Variants in CA10 observed in about 807,000 individuals in gnomAD.
CA10 encodes the protein carbonic anhydrase 10 (inactive), also known as carbonic anhydrase-related protein 10.
In CA10, 14 loss-of-function variants were observed where a neutral mutation model predicts 44.2. The observed-to-expected ratio is 0.32, with a 90% CI of 0.21 to 0.50. The LOEUF is 0.50. Among genes scored for constraint, CA10 ranks in the 20% least tolerant of loss-of-function variants. The probability of loss-of-function intolerance (pLI) is 0.99; values close to 1 mark genes in which losing one functional copy is unlikely to be tolerated. For missense variants in CA10, 350 were observed against 409.7 expected, an observed-to-expected ratio of 0.85 and a Z score of 1.26; for synonymous variants, 159 against 141.6, an observed-to-expected ratio of 1.12 and a Z score of -0.87.
chr17:51,924,973 A>C (rs192651432), intron 3 of CA10, among the ~76,000 whole-genome samples: 2 of 152,196 alleles, frequency 1.3e-5, no homozygotes, highest in African/African-American at 4.8e-5. Flanking sequence ...GATATGGGGA[A>C]AAATCAGCTT....
At chr17:52,005,781 T>C (rs892475462) in intron 2 of CA10, among the ~76,000 whole-genome samples, 1 of 151,918 alleles carries the variant, frequency 6.6e-6, no homozygotes, top group Non-Finnish European at 1.5e-5. Context: ...CTTGGCTCTA[T>C]TGACTTATAA....
chr17:51,825,675 G>T (rs1019814504), intron 3 of CA10, among the ~76,000 whole-genome samples: 1 of 151,776 alleles, frequency 6.6e-6, no homozygotes, highest in African/African-American at 2.4e-5. Flanking sequence ...GTTTTCAATT[G>T]CATACTCATT....
chr17:51,829,158 T>C (rs1204027751), intron 3 of CA10, among the ~76,000 whole-genome samples: 1 of 152,232 alleles, frequency 6.6e-6, no homozygotes, highest in Admixed American at 6.5e-5. Flanking sequence ...AAATATGTAC[T>C]GTTTGGTTGT....
intron 2 of CA10, among the ~76,000 whole-genome samples, chr17:51,982,430 C>A (rs1352687785): frequency 6.6e-6 from 1 of 151,890 alleles, no homozygotes; most frequent in South Asian, 2.1e-4. Flanking sequence ...CCTTTTGTGT[C>A]TATGAGTTAA....
At chr17:51,913,987 T>A (rs1981889098) in intron 3 of CA10, among the ~76,000 whole-genome samples, 1 of 152,136 alleles carries the variant, frequency 6.6e-6, no homozygotes, top group African/African-American at 2.4e-5. Flanking sequence ...GCTTTGCCCC[T>A]GTTAAATTAT....
At chr17:51,776,474 A>G (rs527329327) in intron 3 of CA10, among the ~76,000 whole-genome samples, 4 of 152,348 alleles carry the variant, frequency 2.6e-5, no homozygotes, top group African/African-American at 9.6e-5. Context: ...ATTTAGCTCA[A>G]TCTATCCCAA....
intron 4 of CA10, among the ~76,000 whole-genome samples, chr17:51,701,495 T>G (rs186204614): frequency 2.6e-5 from 4 of 152,264 alleles, no homozygotes; most frequent in Admixed American, 6.5e-5. Context: ...TTTATTTTTT[T>G]TATGTTTCTT....
chr17:52,137,528 C>T (rs1248135234), intron 1 of CA10, among the ~76,000 whole-genome samples: 1 of 152,142 alleles, frequency 6.6e-6, no homozygotes, highest in Non-Finnish European at 1.5e-5. Flanking sequence ...GAAGAGACAA[C>T]TGAAAATCAG....
intron 3 of CA10, among the ~76,000 whole-genome samples, chr17:51,929,922 C>A (rs1311886891): frequency 6.6e-6 from 1 of 152,130 alleles, no homozygotes; most frequent in Non-Finnish European, 1.5e-5. Flanking sequence ...ATGGTGTCGA[C>A]CACATGCAAT....
chr17:51,675,199 T>A (rs1914576589), intron 4 of CA10, among the ~76,000 whole-genome samples: 1 of 151,848 alleles, frequency 6.6e-6, no homozygotes, highest in Non-Finnish European at 1.5e-5. Flanking sequence ...TTTGGAGGAG[T>A]AATTAGCATA....
chr17:51,963,997 C>A (rs1009989192), intron 2 of CA10, among the ~76,000 whole-genome samples: 1 of 152,042 alleles, frequency 6.6e-6, no homozygotes, highest in Non-Finnish European at 1.5e-5. Flanking sequence ...CAAGACTCAT[C>A]CATCTGTGGT....
chr17:52,100,142 A>G (rs1417457175), intron 1 of CA10, among the ~76,000 whole-genome samples: 5 of 152,222 alleles, frequency 3.3e-5, no homozygotes, highest in African/African-American at 9.6e-5. Flanking sequence ...TATTTGTATA[A>G]TAATGGAAAT....
At chr17:51,970,858 G>A (rs771138109) in intron 2 of CA10, among the ~76,000 whole-genome samples, 12 of 152,082 alleles carry the variant, frequency 7.9e-5, no homozygotes, top group African/African-American at 1.4e-4. Flanking sequence ...GAACCAAGAA[G>A]AATCGGCAAT....
chr17:51,991,414 T>C (rs138149704), intron 2 of CA10, among the ~76,000 whole-genome samples: 6 of 152,290 alleles, frequency 3.9e-5, no homozygotes, highest in African/African-American at 1.4e-4. Context: ...CTGTATTTAC[T>C]TACAACTACA....
chr17:51,719,184 T>C (rs1916273782), intron 4 of CA10, among the ~76,000 whole-genome samples: 1 of 152,132 alleles, frequency 6.6e-6, no homozygotes, highest in African/African-American at 2.4e-5. Flanking sequence ...ATAAAATAAA[T>C]GCCACCAGAA....
intron 3 of CA10, among the ~76,000 whole-genome samples, chr17:51,796,481 G>A (rs534896583): frequency 2.7e-4 from 41 of 152,256 alleles, no homozygotes; most frequent in South Asian, 8.3e-4. Flanking sequence ...TCTATGGGGT[G>A]GGGGAGATAG....
At position 51,947,718 on chromosome 17, in the gene CA10, G is replaced by C. The variant is rs925394752; in HGVS notation, c.137-16586C>G. ...AGCCCCTCTTGTAGCACCATGTGCA[G>C]GGGCCATGGTGCACTTAGCACACCT... On this transcript the variant is annotated intron_variant, in intron 2 of 8. Coordinates refer to ENST00000451037, the MANE Select transcript of CA10 (RefSeq NM_020178.5). Among the ~76,000 whole-genome samples, 35 of 152,180 alleles carry C rather than the reference G, an allele frequency of 2.3e-4. 1 individual carries two copies. Among genetic ancestry groups the C allele is most frequent in the African/African-American group, 8.4e-4 (35 of 41,534 alleles).
chr17:51,902,163 T>C, intron 3 of CA10, among the ~76,000 whole-genome samples: 1 of 152,170 alleles, frequency 6.6e-6, no homozygotes, highest in East Asian at 1.9e-4. Context: ...TGGAGATGAC[T>C]AGGCAATGTT....
At chr17:51,742,964 TGTG>T (rs1904521475) in intron 4 of CA10, among the ~76,000 whole-genome samples, 1 of 152,248 alleles carries the variant, frequency 6.6e-6, no homozygotes, top group South Asian at 2.1e-4. Flanking sequence ...ATCCACATTA[TGTG>T]GTATTATCAA....
Sources: allele counts gnomAD v4.1 joint callset (sites outside exome capture counted in the v4.1 genomes callset), GRCh38; gene constraint gnomAD v4.1.1; transcripts MANE v1.5; gene names NCBI Gene and HGNC (gene_info 2026-07-23, HGNC 2026-07-21).